NHSL1: variants seen among roughly 807,000 people sequenced by gnomAD.
NHSL1 encodes the protein NHS-like protein 1.
In NHSL1, 48 loss-of-function variants were observed where a neutral mutation model predicts 95.0. The observed-to-expected ratio is 0.51, with a 90% confidence interval of 0.40 to 0.64. The LOEUF (loss-of-function observed/expected upper bound fraction) is 0.64. Among genes scored for constraint, NHSL1 ranks in the 30% least tolerant of loss-of-function variants. The pLI, the probability that NHSL1 is intolerant of heterozygous loss-of-function variation, is 0.00. For missense variants in NHSL1, 1,971 were observed against 2,077.7 expected (o/e 0.95, Z 1.00); for synonymous variants, 783 against 833.9 (o/e 0.94, Z 1.05).
intron 5 of NHSL1, 104 bp downstream of exon 5, chr6:138,441,879 C>G: frequency 8.9e-7 from 1 of 1,126,332 alleles, no homozygotes; most frequent in Non-Finnish European, 1.2e-6. Context: ...GGGCACCAAA[C>G]GGCTATCAGA....
chr6:138,646,363 A>C (rs1310607838), intron 1 of NHSL1, among the ~76,000 whole-genome samples: 1 of 152,210 alleles, frequency 6.6e-6, no homozygotes, highest in Non-Finnish European at 1.5e-5. Context: ...AATTGAATTA[A>C]AAATTCTTAT....
rs145107143 is a variant in NHSL1, at chr6:138,428,005, G to A, written c.4085+1706C>T. On this transcript the variant is annotated intron_variant, in intron 7 of 7. Transcript: ENST00000343505. The stretch of plus-strand genomic sequence containing the variant: ...CTGACCGATTTCTACATCTGCAGTC[G>A]ATGTAACGTCCTAGTAAGAGAAACA... Among the ~76,000 whole-genome samples the A allele has an allele frequency of 4.9e-3, 740 of 152,268 alleles. 19 individuals are homozygous for A. The highest frequency in any genetic ancestry group is 0.037 in the Admixed American group (563 of 15,294).
intron 1 of NHSL1, among the ~76,000 whole-genome samples, chr6:138,612,302 A>G (rs1784525252): frequency 6.6e-6 from 1 of 152,158 alleles, no homozygotes; most frequent in Non-Finnish European, 1.5e-5. Flanking sequence ...ATGTACAGAA[A>G]CACTAATACA....
At chr6:138,692,957 G>T (rs1785704761), upstream of NHSL1, among the ~76,000 whole-genome samples, 1 of 151,176 alleles carries the variant, frequency 6.6e-6, no homozygotes, top group South Asian at 2.1e-4. This position sits in a 1 kb window ranked among gnomAD's most constrained non-coding sequence, Gnocchi z 4.0. Context: ...GGGCGAGCGG[G>T]CACCCGGGCG....
intron 3 of NHSL1, among the ~76,000 whole-genome samples, chr6:138,469,170 C>A (rs1350519534): frequency 6.6e-6 from 1 of 152,110 alleles, no homozygotes. Flanking sequence ...GATTTGGACT[C>A]AGGGCAAATA....
At chr6:138,621,029 T>G (rs1784649595) in intron 1 of NHSL1, among the ~76,000 whole-genome samples, 1 of 151,950 alleles carries the variant, frequency 6.6e-6, no homozygotes, top group South Asian at 2.1e-4. Flanking sequence ...AAGGGAGAAG[T>G]AAGAAGGAGG....
intron 3 of NHSL1, among the ~76,000 whole-genome samples, chr6:138,448,299 G>A (rs1448616614): frequency 6.6e-5 from 10 of 152,104 alleles, no homozygotes; most frequent in South Asian, 2.1e-4. Flanking sequence ...GGAACACAAC[G>A]AAAAAGGGTA....
At chr6:138,582,588 T>C (rs1784077042) in intron 1 of NHSL1, among the ~76,000 whole-genome samples, 1 of 152,212 alleles carries the variant, frequency 6.6e-6, no homozygotes, top group South Asian at 2.1e-4. Context: ...GGTTCTGAGC[T>C]GAGCATCCGC....
intron 2 of NHSL1, among the ~76,000 whole-genome samples, chr6:138,485,516 T>C (rs1779673779): frequency 6.7e-6 from 1 of 149,914 alleles, no homozygotes; most frequent in South Asian, 2.1e-4. Context: ...GAAAAAGCAA[T>C]GATTGTTCAT....
At chr6:138,519,576 A>G (rs1489491978) in intron 1 of NHSL1, among the ~76,000 whole-genome samples, 1 of 152,224 alleles carries the variant, frequency 6.6e-6, no homozygotes, top group East Asian at 1.9e-4. Context: ...ATTGTCCATG[A>G]TACATCAACC....
At chr6:138,635,169 G>T (rs1345390663) in intron 1 of NHSL1, among the ~76,000 whole-genome samples, 4 of 150,176 alleles carry the variant, frequency 2.7e-5, no homozygotes, top group Admixed American at 2.7e-4. Flanking sequence ...TAGAAGAAAA[G>T]AAATAATAAA....
At position 138,424,419 on chromosome 6, in the gene NHSL1, G is replaced by C. The variant is rs1775119084; in HGVS notation, c.4483C>G (p.Pro1495Ala). 6.5e-7 allele frequency: 1 copy of C among 1,550,222 alleles called. No individual in the cohort carries two copies. The highest frequency in any genetic ancestry group is 1.4e-5 in the African/African-American group (1 of 73,098). Reference sequence around the variant, plus strand: ...GGCGTTCGGCTGCGGCCGTACCTGGGGCCGGAAAAGGACAGACTCCGAGGC... The same window carrying C: ...GGCGTTCGGCTGCGGCCGTACCTGGCGCCGGAAAAGGACAGACTCCGAGGC... The part of the protein sequence containing the change: ...LMPRSLSFSG[P>A]RYGRSRTPPS... Residue 1495 changes from proline (P) to alanine (A), a missense_variant, in exon 8 of 8, where the codon CCC becomes GCC. Physicochemically the swap from Pro to Ala is conservative, Grantham distance 27. This residue lies in a region of NHSL1 where 223 missense variants were observed against 217.0 expected (regional missense o/e 1.03). Transcript: ENST00000343505. This position sits in a 1 kb window ranked among gnomAD's most constrained non-coding sequence, Gnocchi z 5.9.
At chr6:138,637,695 T>C (rs911429588) in intron 1 of NHSL1, among the ~76,000 whole-genome samples, 6 of 152,280 alleles carry the variant, frequency 3.9e-5, no homozygotes, top group African/African-American at 1.4e-4. Context: ...TCACCCCAGT[T>C]AAGATGGCTT....
intron 5 of NHSL1, among the ~76,000 whole-genome samples, chr6:138,435,700 C>A (rs1776037479): frequency 6.6e-6 from 1 of 150,812 alleles, no homozygotes; most frequent in African/African-American, 2.4e-5. Context: ...TTGTGCATTG[C>A]AGATAACTGG....
intron 1 of NHSL1, among the ~76,000 whole-genome samples, chr6:138,639,009 T>C (rs142078995): frequency 7.9e-4 from 121 of 152,364 alleles, no homozygotes; most frequent in African/African-American, 2.8e-3. Context: ...TCTTCTTTTT[T>C]TGTACCATCT....
chr6:138,507,880 C>G (rs1781038260), intron 1 of NHSL1, among the ~76,000 whole-genome samples: 1 of 151,780 alleles, frequency 6.6e-6, no homozygotes, highest in African/African-American at 2.4e-5. Context: ...TGGTTGGGGA[C>G]AGAAAGGGGA....
At chr6:138,471,114 C>A (rs376308445) in intron 3 of NHSL1, among the ~76,000 whole-genome samples, 1 of 152,048 alleles carries the variant, frequency 6.6e-6, no homozygotes, top group South Asian at 2.1e-4. Flanking sequence ...CATCGGGGTC[C>A]GTGGCAATGG....
intron 5 of NHSL1, among the ~76,000 whole-genome samples, chr6:138,437,475 T>A (rs1413513977): frequency 4.6e-5 from 6 of 129,268 alleles, no homozygotes; most frequent in African/African-American, 5.9e-5. Flanking sequence ...ACAATGCACC[T>A]AGTCACCCCA....
At chr6:138,466,196 T>G (rs1424700170) in intron 3 of NHSL1, among the ~76,000 whole-genome samples, 2 of 152,058 alleles carry the variant, frequency 1.3e-5, no homozygotes, top group Admixed American at 1.3e-4. Flanking sequence ...CCCGCCACCA[T>G]GCCCAGCCAA....
Sources: gnomAD v4.1 joint callset for allele counts (sites outside exome capture counted in the v4.1 genomes callset) on GRCh38, gnomAD v4.1.1 for gene constraint, gnomAD v4.1.1 regional missense constraint, Gnocchi (gnomAD v3.1) non-coding constraint, MANE v1.5 for transcripts, NCBI Gene and HGNC (gene_info 2026-07-23, HGNC 2026-07-21) for gene names.